The following KLRG1 variants were observed in gnomAD, a reference collection of about 807,000 sequenced individuals.
KLRG1 encodes killer cell lectin-like receptor subfamily G member 1.
KLRG1 carries 16 observed loss-of-function variants against 21.8 expected under a neutral mutation model. The observed-to-expected ratio is 0.73, with a 90% confidence interval of 0.50 to 1.11. KLRG1 has a LOEUF of 1.11. Ranked by LOEUF, KLRG1 falls within the 50% of genes most tolerant of loss-of-function variation. KLRG1 has a pLI of 0.00. For missense variants in KLRG1, 173 were observed against 218.3 expected (o/e 0.79, Z 1.31); for synonymous variants, 69 against 75.9 (o/e 0.91, Z 0.47).
the KLRG1 span, chr12:9,079,534 A>G: frequency 8.7e-7 from 1 of 1,153,774 alleles, no homozygotes. Context: ...CAGCTATCAT[A>G]GTGAGCTAAG....
At chr12:8,959,746 A>G (rs1946353174) in intron 1 of KLRG1, among the ~76,000 whole-genome samples, 1 of 152,138 alleles carries the variant, frequency 6.6e-6, no homozygotes, top group African/African-American at 2.4e-5. Flanking sequence ...TAGAGGACTT[A>G]CGTGTCTTTC....
the KLRG1 span, among the ~76,000 whole-genome samples, chr12:9,212,350 TAGG>T: frequency 6.6e-6 from 1 of 152,214 alleles, no homozygotes; most frequent in Non-Finnish European, 1.5e-5. Flanking sequence ...TTTCTCCCAT[TAGG>T]TCCCTGTGAG....
the KLRG1 span, chr12:9,106,526 AG>A: frequency 6.3e-7 from 1 of 1,598,632 alleles, no homozygotes; most frequent in Admixed American, 1.7e-5. Flanking sequence ...CTCAGTGTGA[AG>A]TTTCATTTCA....
At chr12:9,047,002 G>A in the KLRG1 span, among the ~76,000 whole-genome samples, 4 of 152,138 alleles carry the variant, frequency 2.6e-5, no homozygotes, top group Non-Finnish European at 4.4e-5. Context: ...CTACAGGCAC[G>A]TGCCACCATA....
At chr12:9,197,448 TTAA>T in the KLRG1 span, among the ~76,000 whole-genome samples, 1 of 133,986 alleles carries the variant, frequency 7.5e-6, no homozygotes, top group Admixed American at 8.3e-5. Context: ...GGAGTACTGC[TTAA>T]TAATATATAA....
the KLRG1 span, chr12:9,162,424 T>C: frequency 1.7e-6 from 1 of 592,144 alleles, no homozygotes; most frequent in Non-Finnish European, 3.0e-6. Context: ...TAACTTGCTC[T>C]CTTGGGCTCA....
chr12:9,091,195 C>A, the KLRG1 span: 2 of 1,612,588 alleles, frequency 1.2e-6, no homozygotes, highest in Non-Finnish European at 1.7e-6. Flanking sequence ...GGAAAGAGAT[C>A]CTTACCCGGA....
At chr12:9,149,509 T>G in the KLRG1 span, 9 of 1,527,762 alleles carry the variant, frequency 5.9e-6, no homozygotes, top group Non-Finnish European at 7.2e-6. Flanking sequence ...CAGGGGCCCT[T>G]GGAGAGTGGG....
the KLRG1 span, chr12:9,115,805 G>A: frequency 6.2e-7 from 1 of 1,613,562 alleles, no homozygotes; most frequent in South Asian, 1.1e-5. Flanking sequence ...GGAGGACCAA[G>A]AGGAGAAGAA....
At chr12:9,089,648 C>T in the KLRG1 span, among the ~76,000 whole-genome samples, 3 of 151,870 alleles carry the variant, frequency 2.0e-5, no homozygotes, top group Admixed American at 1.3e-4. Flanking sequence ...GGCTGAGGCA[C>T]GAGAATTGCT....
the KLRG1 span, among the ~76,000 whole-genome samples, chr12:9,018,679 TA>T: frequency 0.016 from 1,982 of 123,212 alleles, 25 homozygotes; most frequent in African/African-American, 0.048. Context: ...CATCTCTATT[TA>T]AAAAAAAAAA....
At chr12:9,009,103 A>G in intron 4 of KLRG1, 28 bp downstream of exon 4, 6 of 1,552,574 alleles carry the variant, frequency 3.9e-6, no homozygotes, top group African/African-American at 1.4e-5. Flanking sequence ...AATGCAAAAA[A>G]AGAGAGAGAG....
the KLRG1 span, chr12:9,162,599 G>C: frequency 6.3e-7 from 1 of 1,585,210 alleles, no homozygotes; most frequent in Non-Finnish European, 8.7e-7. Flanking sequence ...ACTCTTACCT[G>C]AGGCACAGGT....
chr12:9,203,676 T>C, the KLRG1 span: 4 of 1,440,264 alleles, frequency 2.8e-6, no homozygotes, highest in Non-Finnish European at 3.8e-6. Flanking sequence ...AGTCATACCT[T>C]GGGATCGCAC....
chr12:9,036,111 C>CA, the KLRG1 span, among the ~76,000 whole-genome samples: 1 of 152,184 alleles, frequency 6.6e-6, no homozygotes, highest in Non-Finnish European at 1.5e-5. Flanking sequence ...ACCCATGTAA[C>CA]AAACCTGCAC....
chr12:9,110,283 CT>C, the KLRG1 span: 2 of 1,448,294 alleles, frequency 1.4e-6, no homozygotes, highest in Non-Finnish European at 1.9e-6. Flanking sequence ...TATTGCTTTC[CT>C]TTTAATATGG....
the KLRG1 span, chr12:9,200,943 G>A: frequency 2.5e-6 from 4 of 1,614,062 alleles, no homozygotes; most frequent in East Asian, 2.2e-5. Context: ...GATTCTGTCT[G>A]TACCACCACC....
chr12:9,113,394 G>A, the KLRG1 span: 40 of 1,613,328 alleles, frequency 2.5e-5, no homozygotes, highest in Middle Eastern at 1.6e-4. Flanking sequence ...GTCATTCTCC[G>A]CCTCCAGGTC....
the KLRG1 span, chr12:9,168,819 A>G: frequency 1.2e-5 from 16 of 1,376,320 alleles, no homozygotes; most frequent in South Asian, 1.4e-4. Context: ...TTTTGGGCAT[A>G]GTAATATTGT....
Sources: allele counts gnomAD v4.1 joint callset (sites outside exome capture counted in the v4.1 genomes callset), GRCh38; gene constraint gnomAD v4.1.1; transcripts MANE v1.5; gene names NCBI Gene and HGNC (gene_info 2026-07-23, HGNC 2026-07-21).